COL15A1: variants seen among roughly 807,000 people sequenced by gnomAD.
COL15A1 encodes collagen type XV alpha 1 chain, also known as collagen alpha-1(XV) chain.
Under a neutral mutation model 165.9 loss-of-function variants are expected in COL15A1, and 111 were observed. The observed-to-expected ratio is 0.67, with a 90% CI of 0.57 to 0.78. The LOEUF (loss-of-function observed/expected upper bound fraction) is 0.78, where lower values mean the gene tolerates loss of function less well. Among genes scored for constraint, COL15A1 ranks in the 30% least tolerant of loss-of-function variants. The probability of loss-of-function intolerance (pLI) is 0.00; values close to 1 mark genes in which losing one functional copy is unlikely to be tolerated. For synonymous variants in COL15A1, 659 were observed against 674.8 expected (o/e 0.98, Z 0.36); for missense variants, 1,745 against 1,789.7 (o/e 0.98, Z 0.45).
intron 14 of COL15A1, among the ~76,000 whole-genome samples, chr9:99,024,227 A>G (rs1839076516): frequency 6.6e-6 from 1 of 150,644 alleles, no homozygotes; most frequent in African/African-American, 2.5e-5. Flanking sequence ...ACACTAGTGC[A>G]CTTCAGAAAG....
chr9:98,961,385 C>T (rs1477558480), intron 2 of COL15A1, among the ~76,000 whole-genome samples: 2 of 152,184 alleles, frequency 1.3e-5, no homozygotes, highest in Non-Finnish European at 2.9e-5. Flanking sequence ...AGGACACTCT[C>T]ATCTGTACCA....
intron 9 of COL15A1, among the ~76,000 whole-genome samples, chr9:99,009,509 T>C (rs1392043502): frequency 6.6e-6 from 1 of 152,164 alleles, no homozygotes; most frequent in Non-Finnish European, 1.5e-5. Flanking sequence ...GAATAATAGC[T>C]CAGAAGAAAA....
At chr9:99,001,978 A>C (rs948449899) in intron 7 of COL15A1, among the ~76,000 whole-genome samples, 1 of 151,994 alleles carries the variant, frequency 6.6e-6, no homozygotes, top group African/African-American at 2.4e-5. Context: ...TGGCTCTTTG[A>C]GTACAGCCCA....
rs1443608933 is a variant in COL15A1 at position 99,000,104 on chromosome 9, C to T, written c.953-735C>T. 2.2e-4 allele frequency among the ~76,000 whole-genome samples: 34 copies of T among 152,194 alleles called. 1 individual carries two copies. The highest frequency in any genetic ancestry group is 2.2e-3 in the Admixed American group (34 of 15,280). ...CAGGCTGGTCTTGAACTCCTGACCT[C>T]AAGTGATCTGCCCACCTCGGCCTCC... On this transcript the variant is annotated intron_variant, in intron 6 of 41. Coordinates refer to ENST00000375001, the MANE Select transcript of COL15A1 (RefSeq NM_001855.5).
intron 2 of COL15A1, among the ~76,000 whole-genome samples, chr9:98,950,747 T>C (rs1279526483): frequency 1.3e-5 from 2 of 152,100 alleles, no homozygotes; most frequent in African/African-American, 4.8e-5. Context: ...CCCGAGTAGC[T>C]GAGACTACAG....
intron 6 of COL15A1, among the ~76,000 whole-genome samples, chr9:99,000,413 T>C (rs1838629518): frequency 6.6e-6 from 1 of 152,116 alleles, no homozygotes; most frequent in Admixed American, 6.5e-5. Context: ...AATGATACGA[T>C]ATCTATACTC....
intron 9 of COL15A1, among the ~76,000 whole-genome samples, chr9:99,007,540 A>C (rs1214119185): frequency 6.6e-6 from 1 of 152,184 alleles, no homozygotes; most frequent in Non-Finnish European, 1.5e-5. Context: ...TTATTAGGAA[A>C]GTTCACTTTT....
Position 99,035,052 on chromosome 9 carries a change from G to T in COL15A1, c.2118G>T (p.Gly706=), listed in dbSNP as rs758157399. The T allele has an allele frequency of 2.5e-6, 4 of 1,612,666 alleles. No homozygotes were observed. Among genetic ancestry groups the T allele is most frequent in the Non-Finnish European group, 3.4e-6 (4 of 1,178,850 alleles). ...PGNRGLPGPP[G]KKGQAGPPGV... ...ACAGAGGCTTACCTGGACCCCCGGG[G>T]AAAAAGGGACAAGCTGGCCCTCCTG... The change falls in exon 18 of 42, where the codon GGG becomes GGT. Residue 706 remains glycine, a synonymous_variant. Transcript: ENST00000375001.
At chr9:99,007,464 C>T (rs2118965957) in intron 9 of COL15A1, among the ~76,000 whole-genome samples, 1 of 152,226 alleles carries the variant, frequency 6.6e-6, no homozygotes, top group South Asian at 2.1e-4. Flanking sequence ...AAATGAGTCT[C>T]TAGTTTCAGG....
chr9:98,985,453 T>C (rs1838292371), intron 2 of COL15A1, 112 bp from the exon 3 acceptor site: 2 of 1,076,734 alleles, frequency 1.9e-6, no homozygotes, highest in Admixed American at 5.8e-5. Flanking sequence ...GGAACTACAG[T>C]TTCAGTGGGG....
In COL15A1 at chr9:99,044,549, G is replaced by A. The variant is rs770253525; in HGVS notation, c.2575-19G>A. On this transcript the variant is annotated intron_variant, in intron 24 of 41. Transcript: ENST00000375001. ...CAAGGAGGAGTCCTGACTTCATTGA[G>A]ATGTTCTCTGAATTGCAGGGCGAGA... 1.2e-6 allele frequency: 2 copies of A among 1,613,214 alleles called. No individual in the cohort carries two copies. The highest frequency in any genetic ancestry group is 2.2e-5 in the South Asian group (2 of 91,032).
chr9:98,992,327 C>G (rs1465769457), intron 5 of COL15A1, among the ~76,000 whole-genome samples: 1 of 152,224 alleles, frequency 6.6e-6, no homozygotes, highest in Non-Finnish European at 1.5e-5. Context: ...CCCGGCACAC[C>G]CTCTGCAGCT....
intron 2 of COL15A1, among the ~76,000 whole-genome samples, chr9:98,947,963 T>C (rs1164395688): frequency 6.6e-6 from 1 of 152,214 alleles, no homozygotes; most frequent in Non-Finnish European, 1.5e-5. Context: ...CTTTTCCCAC[T>C]CTGAGCCTGT....
intron 36 of COL15A1, 149 bp from the exon 37 acceptor site, chr9:99,061,822 G>A: frequency 3.0e-6 from 2 of 677,096 alleles, no homozygotes; most frequent in South Asian, 2.2e-5. Flanking sequence ...TACTAATGAA[G>A]GTATATACCT....
Position 99,011,423 on chromosome 9 carries a change from A to AC in COL15A1, c.1354-3994_1354-3993insC, listed in dbSNP as rs1554688115. 3.1e-4 allele frequency among the ~76,000 whole-genome samples: 42 copies of AC among 135,184 alleles called. 1 individual carries two copies. The South Asian group carries it at 3.2e-3, about 10-fold the overall frequency. The allele number at this position is 135,184 out of a possible 152,430, so 88.7% of individuals were successfully genotyped here. A position where few individuals can be genotyped will look rare whatever the true frequency, so the allele number is the denominator to read the frequency against. On this transcript the variant is annotated intron_variant, in intron 9 of 41. Coordinates refer to ENST00000375001, the MANE Select transcript of COL15A1 (RefSeq NM_001855.5). ...CTCTTTCTGAAAAAAAAAAAAAAAA[A>AC]AGTCATTTTATTCTAGGACAAAATT...
chr9:98,972,906 C>A (rs1022797137), intron 2 of COL15A1, among the ~76,000 whole-genome samples: 11 of 152,208 alleles, frequency 7.2e-5, no homozygotes, highest in African/African-American at 2.7e-4. Context: ...ACAGGCAGAG[C>A]CCAGCTTCAC....
chr9:99,044,422 T>C (rs1281277710), intron 24 of COL15A1, 146 bp from the exon 25 acceptor site: 5 of 704,882 alleles, frequency 7.1e-6, no homozygotes, highest in Non-Finnish European at 1.2e-5. Context: ...GGGTTTCAAG[T>C]AGGATGAAGG....
At position 99,067,160 on chromosome 9, in the gene COL15A1, G is replaced by A. The variant is rs988663293; in HGVS notation, c.3837+93G>A. ...TCATTCCTGACATCAACAGAAGACT[G>A]TTGACTTAAGCCTGCTCTCTCCCTT... is the stretch of plus-strand genomic sequence containing the variant. On this transcript the variant is annotated intron_variant, in intron 40 of 41. Transcript: ENST00000375001. The A allele has an allele frequency of 1.5e-5, 17 of 1,120,684 alleles. No homozygotes were observed. In the African/African-American group the frequency reaches 2.3e-4, roughly 15 times the overall value. The allele number at this position is 1,120,684 out of a possible 1,614,324, so 69.4% of individuals were successfully genotyped here. A position where few individuals can be genotyped will look rare whatever the true frequency, so the allele number is the denominator to read the frequency against.
chr9:98,963,784 G>A (rs1739647948), intron 2 of COL15A1, among the ~76,000 whole-genome samples: 1 of 152,172 alleles, frequency 6.6e-6, no homozygotes, highest in Non-Finnish European at 1.5e-5. Flanking sequence ...ATGCCCAGGA[G>A]TGCTCAGAGC....
Sources: gnomAD v4.1 joint callset for allele counts (sites outside exome capture counted in the v4.1 genomes callset) on GRCh38, gnomAD v4.1.1 for gene constraint, MANE v1.5 for transcripts, NCBI Gene and HGNC (gene_info 2026-07-23, HGNC 2026-07-21) for gene names.